GLRA2: variants seen among roughly 807,000 people sequenced by gnomAD.
The protein encoded by GLRA2 is glycine receptor alpha 2.
In GLRA2, 11 loss-of-function variants were observed where a neutral mutation model predicts 31.6. That is an observed-to-expected ratio of 0.35 (90% CI 0.22 to 0.58). The LOEUF (loss-of-function observed/expected upper bound fraction) is 0.58, where lower values mean the gene tolerates loss of function less well. Among genes scored for constraint, GLRA2 ranks in the 20% least tolerant of loss-of-function variants. GLRA2 has a pLI of 0.84. For missense variants in GLRA2, 212 were observed against 351.8 expected, an observed-to-expected ratio of 0.60 and a Z score of 3.18; for synonymous variants, 132 against 134.0, an observed-to-expected ratio of 0.99 and a Z score of 0.10.
At chrX:14,625,529 G>T (rs1001985102) in intron 7 of GLRA2, among the ~76,000 whole-genome samples, 13 of 111,369 alleles carry the variant, frequency 1.2e-4, no homozygotes, top group Admixed American at 1.1e-3. Flanking sequence ...AGGAGCTCTT[G>T]TAAGGCAGGC....
intron 2 of GLRA2, among the ~76,000 whole-genome samples, chrX:14,548,895 T>C (rs996831901): frequency 5.6e-5 from 6 of 106,703 alleles, no homozygotes; most frequent in Non-Finnish European, 1.2e-4. Context: ...TCTTCTGAAA[T>C]TCTCCTCTTG....
chrX:14,572,674 T>A (rs1394249590), intron 2 of GLRA2, among the ~76,000 whole-genome samples: 1 of 112,074 alleles, frequency 8.9e-6, no homozygotes, highest in Non-Finnish European at 1.9e-5. Context: ...TTAAAAATAG[T>A]TGGAGCATTT....
the GLRA2 span, among the ~76,000 whole-genome samples, chrX:14,451,474 C>T: frequency 9.2e-6 from 1 of 108,715 alleles, no homozygotes; most frequent in Non-Finnish European, 1.9e-5. Flanking sequence ...TACTAAAATA[C>T]AAAAAATTAG....
chrX:14,612,999 A>G (rs1354535371), intron 7 of GLRA2, among the ~76,000 whole-genome samples: 3 of 110,994 alleles, frequency 2.7e-5, no homozygotes, highest in Non-Finnish European at 3.8e-5. Context: ...GAACAAAGAC[A>G]TATTTTGAAA....
rs2090308561 is a variant in GLRA2, at chrX:14,604,315, A to G, written c.495A>G (p.Arg165=). Residue 165 remains arginine (R), a splice_region_variant and synonymous_variant, in exon 5 of 9, where the codon AGA becomes AGG. Coordinates refer to ENST00000218075, the MANE Select transcript of GLRA2 (RefSeq NM_002063.4). ...SKNGKVLYSI[R]LTLTLSCPMD... is the part of the protein sequence containing the mutation. Reference sequence around the variant, plus strand: ...TTTAATTTTTTTTTTGTTTGCTAAGACTCACCTTGACCTTATCCTGTCCCA... The same window carrying G: ...TTTAATTTTTTTTTTGTTTGCTAAGGCTCACCTTGACCTTATCCTGTCCCA... 8.8e-7 allele frequency: 1 copy of G among 1,135,353 alleles called. No homozygotes were observed. Among genetic ancestry groups the G allele is most frequent in the East Asian group, 3.0e-5 (1 of 32,999 alleles). The allele number at this position is 1,135,353 out of a possible 1,213,427, so 93.6% of individuals were successfully genotyped here. A position where few individuals can be genotyped will look rare whatever the true frequency, so the allele number is the denominator to read the frequency against.
chrX:14,547,200 C>CT (rs749851684), intron 2 of GLRA2, among the ~76,000 whole-genome samples: 1 of 111,235 alleles, frequency 9.0e-6, no homozygotes, highest in African/African-American at 3.3e-5. Flanking sequence ...AACTCCTGTA[C>CT]TTTTTTTAGA....
chrX:14,467,389 A>G, the GLRA2 span, among the ~76,000 whole-genome samples: 1 of 111,761 alleles, frequency 8.9e-6, no homozygotes, highest in Admixed American at 9.5e-5. Flanking sequence ...TTTCTACACC[A>G]CTCCCAAAGT....
the GLRA2 span, among the ~76,000 whole-genome samples, chrX:14,459,748 T>C: frequency 1.8e-5 from 2 of 112,201 alleles, no homozygotes; most frequent in Non-Finnish European, 3.8e-5. Context: ...CTGAAGTTGC[T>C]TATCAGCTTA....
rs749075233 is a variant in GLRA2, at chrX:14,656,706, G to C, written c.931-34004G>C. Among the ~76,000 whole-genome samples, 5 of 112,284 alleles carry C rather than the reference G, an allele frequency of 4.5e-5. No individual in the cohort carries two copies. The East Asian group carries it at 1.4e-3, about 31-fold the overall frequency. On this transcript the variant is annotated intron_variant, in intron 7 of 8. Coordinates refer to ENST00000218075, the MANE Select transcript of GLRA2 (RefSeq NM_002063.4). ...CTGTTCTTTAACAGCTACTGTTCTA[G>C]GCACTGAGGAGATAGTGGTCAACAG...
At chrX:14,468,792 G>A in the GLRA2 span, among the ~76,000 whole-genome samples, 6 of 110,681 alleles carry the variant, frequency 5.4e-5, no homozygotes, top group African/African-American at 2.0e-4. Flanking sequence ...CAGTGTAAAA[G>A]TGTTCCTATT....
chrX:14,472,136 C>T, the GLRA2 span, among the ~76,000 whole-genome samples: 8 of 112,144 alleles, frequency 7.1e-5, no homozygotes, highest in Non-Finnish European at 1.3e-4. Flanking sequence ...AGATCAACTT[C>T]ACTGTTCAAA....
chrX:14,646,934 A>G (rs2090838298), intron 7 of GLRA2, among the ~76,000 whole-genome samples: 2 of 112,039 alleles, frequency 1.8e-5, no homozygotes, highest in Non-Finnish European at 3.8e-5. Context: ...CTTGTAAAAG[A>G]CAGTGACAAC....
intron 4 of GLRA2, among the ~76,000 whole-genome samples, chrX:14,603,237 T>TCTATTCATG (rs1215965677): frequency 1.8e-5 from 2 of 111,471 alleles, no homozygotes; most frequent in Non-Finnish European, 3.8e-5. Flanking sequence ...TTGAGAATTG[T>TCTATTCATG]CTATTCATGT....
the GLRA2 span, among the ~76,000 whole-genome samples, chrX:14,467,614 A>G: frequency 8.9e-6 from 1 of 112,191 alleles, no homozygotes; most frequent in African/African-American, 3.2e-5. Flanking sequence ...CAGGAAAAAC[A>G]TTCCAAGTTA....
the GLRA2 span, among the ~76,000 whole-genome samples, chrX:14,474,311 G>A: frequency 9.0e-6 from 1 of 111,465 alleles, no homozygotes. Context: ...CCCTGCAGCT[G>A]CTACAGTTTA....
the GLRA2 span, among the ~76,000 whole-genome samples, chrX:14,516,937 C>A: frequency 8.9e-6 from 1 of 111,976 alleles, no homozygotes; most frequent in African/African-American, 3.2e-5. Context: ...TTCCATGTAA[C>A]AGCTAGAGAG....
Position 14,730,537 on chromosome X carries a change from T to C in GLRA2, c.*52T>C, listed in dbSNP as rs1394851919. 8 of 748,907 alleles carry C rather than the reference T, an allele frequency of 1.1e-5. No homozygotes were observed. In the African/African-American group the frequency reaches 2.1e-4, roughly 19 times the overall value. The allele number at this position is 748,907 out of a possible 1,213,427, so 61.7% of individuals were successfully genotyped here. On this transcript the variant is annotated 3_prime_UTR_variant, in exon 9 of 9. Transcript: ENST00000218075. The stretch of plus-strand genomic sequence containing the variant: ...CTTGCCTCAGTGTTGTGCTTGTAAA[T>C]ACACAGTGAAATTGTCTTTATATCA...
At chrX:14,523,329 T>C in the GLRA2 span, among the ~76,000 whole-genome samples, 1 of 111,959 alleles carries the variant, frequency 8.9e-6, no homozygotes, top group African/African-American at 3.2e-5. Flanking sequence ...GATTGGACTT[T>C]GGCTTAAGGG....
intron 7 of GLRA2, among the ~76,000 whole-genome samples, chrX:14,609,506 A>T (rs182423983): frequency 1.8e-5 from 2 of 111,384 alleles, no homozygotes; most frequent in Non-Finnish European, 3.8e-5. Context: ...TCGGTTGTTT[A>T]TAAGACATGA....
Sources: gnomAD v4.1 joint callset for allele counts (sites outside exome capture counted in the v4.1 genomes callset) on GRCh38, gnomAD v4.1.1 for gene constraint, MANE v1.5 for transcripts, NCBI Gene and HGNC (gene_info 2026-07-23, HGNC 2026-07-21) for gene names.